Variants in HDX observed in about 807,000 individuals in gnomAD.
HDX encodes the protein chromosome X open reading frame 43.
A neutral mutation model predicts 45.2 loss-of-function variants in HDX; 19 were observed. The observed-to-expected ratio is 0.42, with a 90% confidence interval of 0.29 to 0.62. The LOEUF (loss-of-function observed/expected upper bound fraction) is 0.62. HDX is among the 20% of genes least tolerant of loss of function. HDX has a pLI of 0.20. For missense variants in HDX, 532 were observed against 493.9 expected (o/e 1.08, Z -0.73); for synonymous variants, 188 against 172.8 (o/e 1.09, Z -0.69).
intron 4 of HDX, among the ~76,000 whole-genome samples, chrX:84,455,930 C>T (rs2040103062): frequency 8.9e-6 from 1 of 112,171 alleles, no homozygotes; most frequent in African/African-American, 3.2e-5. Context: ...CATATTTAAA[C>T]TGCTTAAGAA....
At chrX:84,482,382 A>G (rs2040704402) in intron 2 of HDX, among the ~76,000 whole-genome samples, 1 of 111,650 alleles carries the variant, frequency 9.0e-6, no homozygotes, top group Admixed American at 9.5e-5. Flanking sequence ...TTAATTGACT[A>G]ACAGTTCTGC....
intron 5 of HDX, among the ~76,000 whole-genome samples, chrX:84,439,260 C>T (rs2039707925): frequency 9.0e-6 from 1 of 110,836 alleles, no homozygotes; most frequent in African/African-American, 3.3e-5. Context: ...TGATTTTTAG[C>T]TTGTTGATTT....
intron 4 of HDX, among the ~76,000 whole-genome samples, chrX:84,462,390 A>ATG (rs2040258377): frequency 8.9e-6 from 1 of 112,130 alleles, no homozygotes; most frequent in Admixed American, 9.4e-5. Context: ...ACTGGAGGTC[A>ATG]TTATGTTAAG....
chrX:84,424,086 G>T (rs1015886749), intron 5 of HDX, among the ~76,000 whole-genome samples: 1 of 110,805 alleles, frequency 9.0e-6, no homozygotes, highest in Non-Finnish European at 1.9e-5. Flanking sequence ...GACTCCACAA[G>T]AAAATATTAG....
At chrX:84,334,325 C>G (rs2036908578) in intron 8 of HDX, among the ~76,000 whole-genome samples, 1 of 110,739 alleles carries the variant, frequency 9.0e-6, no homozygotes, top group East Asian at 2.8e-4. Context: ...GCACACTGCA[C>G]AACTTTAGCT....
At chrX:84,488,926 C>T (rs2040844496) in intron 1 of HDX, among the ~76,000 whole-genome samples, 1 of 111,592 alleles carries the variant, frequency 9.0e-6, no homozygotes, top group Non-Finnish European at 1.9e-5. Context: ...TTTTACTCTC[C>T]TTGTCTGTCA....
At chrX:84,463,794 G>A (rs2040288385) in intron 4 of HDX, among the ~76,000 whole-genome samples, 1 of 110,534 alleles carries the variant, frequency 9.0e-6, no homozygotes, top group East Asian at 2.9e-4. Context: ...AGTGAGGTTA[G>A]CCTGGAGAGT....
intron 5 of HDX, among the ~76,000 whole-genome samples, chrX:84,427,520 T>C (rs1389633745): frequency 9.0e-6 from 1 of 111,186 alleles, no homozygotes; most frequent in Non-Finnish European, 1.9e-5. Context: ...CTAGTTTGCA[T>C]TTTCAATAGT....
intron 1 of HDX, among the ~76,000 whole-genome samples, chrX:84,489,239 A>G (rs2040850431): frequency 9.0e-6 from 1 of 111,369 alleles, no homozygotes; most frequent in Non-Finnish European, 1.9e-5. Flanking sequence ...ACATGAACTG[A>G]GCAGTAGTGG....
intron 5 of HDX, among the ~76,000 whole-genome samples, chrX:84,367,824 G>A (rs776135538): frequency 1.8e-5 from 2 of 111,545 alleles, no homozygotes; most frequent in East Asian, 5.7e-4. Flanking sequence ...ACACAGGGAA[G>A]GGAACATCAC....
chrX:84,456,584 G>A lies in HDX; in HGVS notation c.1251+11888C>T, dbSNP rs375531410. On this transcript the variant is annotated intron_variant, in intron 4 of 10. Coordinates refer to ENST00000373177, the MANE Select transcript of HDX (RefSeq NM_001177479.2). ...TAAACTCTCTAATCAACAGACATAG[G>A]CTGAATGAATAAAAAAGTAAGACCC... Among the ~76,000 whole-genome samples, 30 of 110,976 alleles carry A rather than the reference G, an allele frequency of 2.7e-4. No individual in the cohort carries two copies. The East Asian group carries it at 8.0e-3, about 29-fold the overall frequency.
intron 5 of HDX, among the ~76,000 whole-genome samples, chrX:84,368,356 T>G (rs2037811737): frequency 8.9e-6 from 1 of 111,896 alleles, no homozygotes; most frequent in Non-Finnish European, 1.9e-5. Flanking sequence ...ATTGCATACA[T>G]TTTTATTATT....
rs1391549045 is a variant in HDX at position 84,388,574 on chromosome X, C to T, written c.1306-26962G>A. On this transcript the variant is annotated intron_variant, in intron 5 of 10. Transcript: ENST00000373177. ...TGTCTTTGAGCTCTGAAATTCTTTC[C>T]TCAGCTTAGCCTATTCTGCTGTTAA... Among the ~76,000 whole-genome samples, 9 of 111,891 alleles carry T rather than the reference C, an allele frequency of 8.0e-5. No homozygotes were observed. In the East Asian group the frequency reaches 2.5e-3, roughly 31 times the overall value.
At position 84,320,776 on chromosome X, in the gene HDX, G is replaced by A. The variant is rs1477874221; in HGVS notation, c.*1113C>T. 9.0e-6 allele frequency: 1 copy of A among 110,710 alleles called. No homozygotes were observed. Among genetic ancestry groups the A allele is most frequent in the Non-Finnish European group, 1.9e-5 (1 of 52,384 alleles). The allele number at this position is 110,710 out of a possible 1,213,427, so 9.1% of individuals were successfully genotyped here. On this transcript the variant is annotated 3_prime_UTR_variant, in exon 11 of 11. Transcript: ENST00000373177. ...AGAACTACAAAGAACAGTCTACAGT[G>A]TGTTGCCATCTGGTACCTACTAATA...
In HDX at chrX:84,344,241, A is replaced by G; in HGVS notation, c.1660+9T>C. 1.7e-6 allele frequency: 2 copies of G among 1,166,421 alleles called. No homozygotes were observed. The highest frequency in any genetic ancestry group is 2.3e-6 in the Non-Finnish European group (2 of 855,505). ...AGGCTATTATTAGAAGATTCAGCAT[A>G]TAAAGTACCTTGAGAGCTTCCTTCA... On this transcript the variant is annotated intron_variant, in intron 7 of 10. Coordinates refer to ENST00000373177, the MANE Select transcript of HDX (RefSeq NM_001177479.2).
At chrX:84,330,101 A>G (rs148618784) in intron 9 of HDX, among the ~76,000 whole-genome samples, 1 of 111,464 alleles carries the variant, frequency 9.0e-6, no homozygotes, top group African/African-American at 3.3e-5. Context: ...TGGATATGTT[A>G]TGTCGTTTGA....
intron 5 of HDX, among the ~76,000 whole-genome samples, chrX:84,414,926 A>G (rs1311563227): frequency 1.8e-5 from 2 of 112,086 alleles, no homozygotes; most frequent in East Asian, 2.8e-4. Flanking sequence ...ATTACTAAAG[A>G]CTCATAGTCT....
At chrX:84,356,408 G>A (rs1182677791) in intron 6 of HDX, among the ~76,000 whole-genome samples, 1 of 110,880 alleles carries the variant, frequency 9.0e-6, no homozygotes, top group African/African-American at 3.3e-5. Context: ...TCTAATATGA[G>A]TCTGAACAAA....
intron 5 of HDX, among the ~76,000 whole-genome samples, chrX:84,388,405 C>A (rs913106044): frequency 9.0e-6 from 1 of 111,385 alleles, no homozygotes; most frequent in South Asian, 3.7e-4. Context: ...ATTTTTAAGT[C>A]GCTTATGCTG....
Sources: allele counts gnomAD v4.1 joint callset (sites outside exome capture counted in the v4.1 genomes callset), GRCh38; gene constraint gnomAD v4.1.1; transcripts MANE v1.5; gene names NCBI Gene and HGNC (gene_info 2026-07-23, HGNC 2026-07-21).